The following ADCY8 variants were observed in gnomAD, a reference collection of about 807,000 sequenced individuals.
ADCY8 encodes the protein adenylate cyclase 8.
Under a neutral mutation model 119.7 loss-of-function variants are expected in ADCY8, and 51 were observed. The ratio of observed to expected loss-of-function variants is 0.43; its 90% CI spans 0.34 to 0.54. The LOEUF (loss-of-function observed/expected upper bound fraction) is 0.54, where lower values mean the gene tolerates loss of function less well. ADCY8 is among the 20% of genes least tolerant of loss of function. The pLI, the probability that ADCY8 is intolerant of heterozygous loss-of-function variation, is 0.03. For missense variants in ADCY8, 1,383 were observed against 1,598.8 expected (o/e 0.87, Z 2.30); for synonymous variants, 665 against 651.0 (o/e 1.02, Z -0.33).
At chr8:130,787,467 CGTGTGG>C (rs1815283131) in intron 15 of ADCY8, among the ~76,000 whole-genome samples, 2 of 151,318 alleles carry the variant, frequency 1.3e-5, no homozygotes, top group South Asian at 4.2e-4. Context: ...GTGCATATTG[CGTGTGG>C]GTGTGGGTGT....
At chr8:130,850,005 C>CA (rs975685121) in intron 9 of ADCY8, among the ~76,000 whole-genome samples, 12 of 151,986 alleles carry the variant, frequency 7.9e-5, no homozygotes, top group Admixed American at 5.2e-4. Flanking sequence ...AGAAACTTTG[C>CA]AAAAAAACAG....
chr8:130,991,363 G>T (rs1332342669), intron 1 of ADCY8, among the ~76,000 whole-genome samples: 1 of 152,212 alleles, frequency 6.6e-6, no homozygotes, highest in Non-Finnish European at 1.5e-5. Context: ...CAGAGTTCCA[G>T]ACCACTGTAG....
intron 5 of ADCY8, among the ~76,000 whole-genome samples, chr8:130,919,057 C>T (rs931912163): frequency 1.8e-4 from 27 of 152,048 alleles, no homozygotes; most frequent in African/African-American, 6.3e-4. Flanking sequence ...AGTGACAGTC[C>T]GTCTCCAAAA....
intron 1 of ADCY8, among the ~76,000 whole-genome samples, chr8:131,013,617 T>C (rs1454506298): frequency 1.3e-5 from 2 of 151,980 alleles, no homozygotes; most frequent in African/African-American, 4.8e-5. Context: ...GTCAAGGAGG[T>C]AGTGTCAGCA....
Position 130,842,871 on chromosome 8 carries a change from CA to C in ADCY8, c.2502+4552del, listed in dbSNP as rs35357039. ...TGAGCAACAGAGTGACACTCTGTCT[CA>C]AAAAAAAAAAAAAAAAAAGTTAATT... On this transcript the variant is annotated intron_variant, in intron 11 of 17. Transcript: ENST00000286355. Among the ~76,000 whole-genome samples, 727 of 87,292 alleles carry C rather than the reference CA, an allele frequency of 8.3e-3. 1 individual carries two copies. Among genetic ancestry groups the C allele is most frequent in the African/African-American group, 0.022 (465 of 21,358 alleles). 57.3% of individuals were successfully genotyped at this position (87,292 alleles called of 152,430 possible).
chr8:130,903,767 C>T lies in ADCY8; in HGVS notation c.1911+5G>A. On this transcript the variant is annotated splice_donor_5th_base_variant and intron_variant, in intron 7 of 17. Transcript: ENST00000286355. ...GCCAAGCAGAAGGAGGAAGAGAGGA[C>T]TTACATTCTGTTTCCCCACGATATT... is the stretch of plus-strand genomic sequence containing the variant. 1 of 1,611,746 alleles carries T rather than the reference C, an allele frequency of 6.2e-7. No homozygotes were observed. The highest frequency in any genetic ancestry group is 8.5e-7 in the Non-Finnish European group (1 of 1,179,768).
intron 11 of ADCY8, among the ~76,000 whole-genome samples, chr8:130,837,922 G>C (rs537829530): frequency 1.2e-3 from 179 of 152,276 alleles, no homozygotes; most frequent in African/African-American, 4.1e-3. Flanking sequence ...AGGTCACCAG[G>C]ATATAACCAA....
intron 10 of ADCY8, among the ~76,000 whole-genome samples, chr8:130,847,819 A>G (rs1817380628): frequency 1.3e-5 from 2 of 152,208 alleles, no homozygotes; most frequent in South Asian, 4.1e-4. Flanking sequence ...TGTGGAGCTC[A>G]GAAGAGAAAG....
At chr8:130,910,385 C>G (rs1819943708) in intron 5 of ADCY8, among the ~76,000 whole-genome samples, 1 of 152,142 alleles carries the variant, frequency 6.6e-6, no homozygotes, top group South Asian at 2.1e-4. Context: ...AAAATGTCAA[C>G]TGTTTCCTTC....
At chr8:131,030,217 CAG>C (rs977720081) in intron 1 of ADCY8, among the ~76,000 whole-genome samples, 14 of 152,238 alleles carry the variant, frequency 9.2e-5, no homozygotes, top group African/African-American at 3.4e-4. Flanking sequence ...ACTCTGAGCA[CAG>C]AGTGACTATG....
intron 4 of ADCY8, among the ~76,000 whole-genome samples, chr8:130,939,907 T>C (rs1820906763): frequency 6.6e-6 from 1 of 152,102 alleles, no homozygotes; most frequent in African/African-American, 2.4e-5. Context: ...GAAATCTCAG[T>C]GGAGAGAGGG....
chr8:130,848,404 G>A (rs182505836), intron 10 of ADCY8, among the ~76,000 whole-genome samples: 1 of 152,202 alleles, frequency 6.6e-6, no homozygotes, highest in Admixed American at 6.5e-5. Flanking sequence ...TTCCATTTCA[G>A]TTATCATAAT....
chr8:130,935,845 A>G (rs1820767105), intron 5 of ADCY8, among the ~76,000 whole-genome samples: 2 of 152,084 alleles, frequency 1.3e-5, no homozygotes, highest in African/African-American at 4.8e-5. Context: ...AGGTGGGAAA[A>G]CTTCATGTGA....
chr8:131,005,626 C>T (rs1477354485), intron 1 of ADCY8, among the ~76,000 whole-genome samples: 2 of 152,176 alleles, frequency 1.3e-5, no homozygotes, highest in African/African-American at 2.4e-5. Context: ...TCCATTTGGG[C>T]TTTGCCATGG....
At chr8:130,857,421 A>G (rs1018625524) in intron 9 of ADCY8, among the ~76,000 whole-genome samples, 1 of 152,110 alleles carries the variant, frequency 6.6e-6, no homozygotes, top group Non-Finnish European at 1.5e-5. Flanking sequence ...TGTCTTTTAA[A>G]TCTTAAAATC....
chr8:130,849,776 G>T lies in ADCY8; in HGVS notation c.2238C>A (p.Ser746=), dbSNP rs377582703. The T allele has an allele frequency of 7.4e-6, 12 of 1,613,282 alleles. No individual in the cohort carries two copies. Among genetic ancestry groups the T allele is most frequent in the Non-Finnish European group, 8.5e-6 (10 of 1,179,686 alleles). The part of the protein sequence containing the change: ...SRVMPMTIQF[S]ILIMLHSALV... ...GAGCCGAGTGCAGCATAATCAGAAT[G>T]GAGAACTGGATGGTCATTGGCATCA... The change falls in exon 10 of 18, where the codon TCC becomes TCA. Residue 746 remains serine, a synonymous_variant. Coordinates refer to ENST00000286355, the MANE Select transcript of ADCY8 (RefSeq NM_001115.3).
rs548766227 is a variant in ADCY8 at position 130,847,628 on chromosome 8, G to T, written c.2413-115C>A. On this transcript the variant is annotated intron_variant, in intron 10 of 17. Coordinates refer to ENST00000286355, the MANE Select transcript of ADCY8 (RefSeq NM_001115.3). ...TATCAGTGGCTGGGCTTCAGCACGAGCCTGGGTAGACTGAACCCTAGAGGG... is the reference window on the plus strand; with the variant it reads ...TATCAGTGGCTGGGCTTCAGCACGATCCTGGGTAGACTGAACCCTAGAGGG... 3.8e-5 allele frequency: 31 copies of T among 809,996 alleles called. No individual in the cohort carries two copies. In the East Asian group the frequency reaches 6.6e-4, roughly 17 times the overall value. 50.2% of individuals were successfully genotyped at this position (809,996 alleles called of 1,614,324 possible).
At chr8:130,936,164 G>A (rs1820781497) in intron 5 of ADCY8, among the ~76,000 whole-genome samples, 1 of 151,684 alleles carries the variant, frequency 6.6e-6, no homozygotes, top group African/African-American at 2.4e-5. Context: ...TTGTGAGGAC[G>A]TGACACTTAG....
intron 5 of ADCY8, among the ~76,000 whole-genome samples, chr8:130,911,396 A>C (rs920455405): frequency 6.6e-6 from 1 of 152,148 alleles, no homozygotes; most frequent in Admixed American, 6.5e-5. Context: ...TCCATTTATG[A>C]GATTGGAAAA....
Sources: allele counts gnomAD v4.1 joint callset (sites outside exome capture counted in the v4.1 genomes callset), GRCh38; gene constraint gnomAD v4.1.1; transcripts MANE v1.5; gene names NCBI Gene and HGNC (gene_info 2026-07-23, HGNC 2026-07-21).